Variants in NKAIN2 observed in about 807,000 individuals in gnomAD.
NKAIN2 encodes the protein sodium/potassium transporting ATPase interacting 2.
In NKAIN2, 14 loss-of-function variants were observed where a neutral mutation model predicts 32.6. That is an observed-to-expected ratio of 0.43 (90% confidence interval 0.28 to 0.67). NKAIN2 has a LOEUF of 0.67. Among genes scored for constraint, NKAIN2 ranks in the 30% least tolerant of loss-of-function variants. NKAIN2 has a pLI of 0.17. For synonymous variants in NKAIN2, 80 were observed against 87.2 expected (o/e 0.92, Z 0.46); for missense variants, 198 against 258.3 (o/e 0.77, Z 1.60).
At chr6:124,387,753 C>G (rs527469703) in intron 3 of NKAIN2, among the ~76,000 whole-genome samples, 20 of 152,022 alleles carry the variant, frequency 1.3e-4, no homozygotes, top group Admixed American at 2.0e-4. Context: ...TTTCTAAAAG[C>G]TATGACCTCA....
In NKAIN2 at chr6:124,390,539, T is replaced by C. The variant is rs192229751; in HGVS notation, c.273+35192T>C. On this transcript the variant is annotated intron_variant, in intron 3 of 6. Transcript: ENST00000368417. Reference sequence around the variant, plus strand: ...GATGAAGATTTGTAATACAGAAAAATACCTGGTTCCTATTTTCTGTACCAA... The same window carrying C: ...GATGAAGATTTGTAATACAGAAAAACACCTGGTTCCTATTTTCTGTACCAA... 1.6e-4 allele frequency among the ~76,000 whole-genome samples: 25 copies of C among 152,208 alleles called. No individual in the cohort carries two copies. The East Asian group carries it at 2.1e-3, about 13-fold the overall frequency.
intron 3 of NKAIN2, among the ~76,000 whole-genome samples, chr6:124,630,747 A>T (rs900582499): frequency 1.3e-5 from 2 of 152,158 alleles, no homozygotes; most frequent in African/African-American, 4.8e-5. Flanking sequence ...ATGGAAAATG[A>T]TTAACATGGA....
At chr6:124,659,965 G>A (rs969859441) in intron 4 of NKAIN2, among the ~76,000 whole-genome samples, 3 of 152,074 alleles carry the variant, frequency 2.0e-5, no homozygotes, top group African/African-American at 7.2e-5. Context: ...AAACTCTTCT[G>A]TAATAGTTTT....
At chr6:124,352,060 G>T (rs911918914) in intron 2 of NKAIN2, among the ~76,000 whole-genome samples, 4 of 152,160 alleles carry the variant, frequency 2.6e-5, no homozygotes, top group African/African-American at 4.8e-5. Flanking sequence ...CATGGAGTTT[G>T]CTACTACTAA....
At chr6:124,019,140 C>T (rs892261383) in intron 1 of NKAIN2, among the ~76,000 whole-genome samples, 2 of 152,106 alleles carry the variant, frequency 1.3e-5, no homozygotes, top group African/African-American at 4.8e-5. Context: ...ATGGGAAAGA[C>T]CCACCCACAT....
chr6:124,208,525 T>G (rs181075443), intron 1 of NKAIN2, among the ~76,000 whole-genome samples: 2 of 151,730 alleles, frequency 1.3e-5, no homozygotes, highest in Admixed American at 1.3e-4. Flanking sequence ...TATAAATATA[T>G]GTAAAAGTTA....
intron 2 of NKAIN2, among the ~76,000 whole-genome samples, chr6:124,330,772 A>G (rs887924185): frequency 1.3e-5 from 2 of 152,194 alleles, no homozygotes; most frequent in Non-Finnish European, 2.9e-5. Context: ...ACACAGCAAC[A>G]GGTGAACGGC....
chr6:124,697,351 TA>T (rs1353361740), intron 4 of NKAIN2, among the ~76,000 whole-genome samples: 7 of 152,188 alleles, frequency 4.6e-5, no homozygotes, highest in Non-Finnish European at 8.8e-5. Context: ...GTTTCTGGCT[TA>T]ATCCTTGGTT....
intron 1 of NKAIN2, among the ~76,000 whole-genome samples, chr6:124,014,325 A>C (rs766218440): frequency 6.6e-6 from 1 of 152,202 alleles, no homozygotes; most frequent in Non-Finnish European, 1.5e-5. Context: ...CAAAACAAAA[A>C]TAACAGTATC....
At chr6:123,888,054 A>G (rs532018480) in intron 1 of NKAIN2, among the ~76,000 whole-genome samples, 1 of 152,298 alleles carries the variant, frequency 6.6e-6, no homozygotes, top group East Asian at 1.9e-4. Flanking sequence ...AGTGCTTGGT[A>G]TAAATTAAAT....
chr6:124,192,072 A>T (rs561098385), intron 1 of NKAIN2, among the ~76,000 whole-genome samples: 1 of 151,588 alleles, frequency 6.6e-6, no homozygotes, highest in Non-Finnish European at 1.5e-5. Flanking sequence ...TTTTTTTCCT[A>T]TGGTTTTCCT....
chr6:123,941,673 C>T (rs1041943220), intron 1 of NKAIN2, among the ~76,000 whole-genome samples: 3 of 152,000 alleles, frequency 2.0e-5, no homozygotes, highest in Non-Finnish European at 4.4e-5. Context: ...AACAATTCAT[C>T]TGCCCTGCTG....
intron 1 of NKAIN2, among the ~76,000 whole-genome samples, chr6:123,850,278 T>C (rs975332472): frequency 6.7e-6 from 1 of 149,340 alleles, no homozygotes; most frequent in Admixed American, 6.7e-5. Context: ...CTAAGATACC[T>C]CAGAGTAGAA....
chr6:124,546,503 C>T (rs1362967931), intron 3 of NKAIN2, among the ~76,000 whole-genome samples: 2 of 151,562 alleles, frequency 1.3e-5, no homozygotes, highest in African/African-American at 4.9e-5. Flanking sequence ...TATTATCTAT[C>T]CATATATTAC....
chr6:124,725,945 C>T (rs1056945168), intron 4 of NKAIN2, among the ~76,000 whole-genome samples: 6 of 152,224 alleles, frequency 3.9e-5, no homozygotes, highest in African/African-American at 7.2e-5. Context: ...AAAGGGGTGA[C>T]GGACGGCACC....
At chr6:123,880,818 A>G (rs1412427522) in intron 1 of NKAIN2, among the ~76,000 whole-genome samples, 2 of 152,202 alleles carry the variant, frequency 1.3e-5, no homozygotes, top group African/African-American at 2.4e-5. Context: ...AAAATTTTTC[A>G]TCTTCAATTC....
At chr6:123,841,831 A>C (rs1774884552) in intron 1 of NKAIN2, among the ~76,000 whole-genome samples, 1 of 152,192 alleles carries the variant, frequency 6.6e-6, no homozygotes, top group African/African-American at 2.4e-5. Context: ...CATCATTAAG[A>C]CTGTGGCTTA....
intron 1 of NKAIN2, among the ~76,000 whole-genome samples, chr6:123,832,065 A>T (rs143391944): frequency 0.014 from 2,129 of 152,228 alleles, 22 homozygotes; most frequent in Non-Finnish European, 0.018. Flanking sequence ...AGTGGCCAGT[A>T]TCCATCATTA....
intron 2 of NKAIN2, among the ~76,000 whole-genome samples, chr6:124,286,581 A>G (rs1562471656): frequency 6.6e-6 from 1 of 150,464 alleles, no homozygotes; most frequent in Admixed American, 6.6e-5. Flanking sequence ...TGTATTTCTA[A>G]TCGTAGTGAG....
Sources: gnomAD v4.1 joint callset for allele counts (sites outside exome capture counted in the v4.1 genomes callset) on GRCh38, gnomAD v4.1.1 for gene constraint, MANE v1.5 for transcripts, NCBI Gene and HGNC (gene_info 2026-07-23, HGNC 2026-07-21) for gene names.